Variants in ARHGAP35 observed in about 807,000 individuals in gnomAD.
The protein encoded by ARHGAP35 is rho GTPase-activating protein 35.
A neutral mutation model predicts 111.1 loss-of-function variants in ARHGAP35; 15 were observed. That is an observed-to-expected ratio of 0.13 (90% confidence interval 0.09 to 0.21). The LOEUF (loss-of-function observed/expected upper bound fraction) is 0.21, where lower values mean the gene tolerates loss of function less well. Among genes scored for constraint, ARHGAP35 ranks in the 10% least tolerant of loss-of-function variants. The pLI, the probability that ARHGAP35 is intolerant of heterozygous loss-of-function variation, is 1.00. For synonymous variants in ARHGAP35, 643 were observed against 710.3 expected, an observed-to-expected ratio of 0.91 and a Z score of 1.51; for missense variants, 1,262 against 1,873.0, an observed-to-expected ratio of 0.67 and a Z score of 6.02.
intron 1 of ARHGAP35, among the ~76,000 whole-genome samples, chr19:46,880,276 T>C (rs2055954216): frequency 6.7e-6 from 1 of 150,112 alleles, no homozygotes; most frequent in East Asian, 2.0e-4. Context: ...CTACTAAAAA[T>C]ACAAAATTTG....
intron 3 of ARHGAP35, among the ~76,000 whole-genome samples, chr19:46,985,696 A>C (rs950570784): frequency 6.6e-6 from 1 of 152,154 alleles, no homozygotes; most frequent in Non-Finnish European, 1.5e-5. Context: ...CTGATATGGA[A>C]AGTGCCAGCA....
Position 46,999,656 on chromosome 19 carries a change from A to G in ARHGAP35, c.4142+247A>G, listed in dbSNP as rs1231695391. The G allele has an allele frequency of 2.0e-6, 1 of 500,556 alleles. No individual in the cohort carries two copies. The highest frequency in any genetic ancestry group is 3.6e-6 in the Non-Finnish European group (1 of 280,608). 31.0% of individuals were successfully genotyped at this position (500,556 alleles called of 1,614,324 possible). On this transcript the variant is annotated intron_variant, in intron 6 of 6. Coordinates refer to ENST00000672722, the MANE Select transcript of ARHGAP35 (RefSeq NM_004491.5). The surrounding 1 kb of genome is among the most constrained non-coding windows in gnomAD (Gnocchi z 5.4). ...CCACGTGGCCTCAAACCTGCCTAAC[A>G]CCAGATAGGGCACTTAGCTCCAGCG...
rs925682686 is a variant in ARHGAP35 at position 46,943,475 on chromosome 19, G to A, written c.3826+6067G>A. ...GCTAGTGTTTTCCCCAACTTTGACTGACAGATAGTGGGCTTGCACTTTGCT... is the reference window on the plus strand; with the variant it reads ...GCTAGTGTTTTCCCCAACTTTGACTAACAGATAGTGGGCTTGCACTTTGCT... On this transcript the variant is annotated intron_variant, in intron 3 of 6. Coordinates refer to ENST00000672722, the MANE Select transcript of ARHGAP35 (RefSeq NM_004491.5). Among the ~76,000 whole-genome samples, 33 of 152,192 alleles carry A rather than the reference G, an allele frequency of 2.2e-4. 2 individuals are homozygous for A. The highest frequency in any genetic ancestry group is 1.8e-3 in the Admixed American group (27 of 15,272).
At position 47,002,276 on chromosome 19, in the gene ARHGAP35, G is replaced by T. The variant is rs947632213; in HGVS notation, c.*1588G>T. On this transcript the variant is annotated 3_prime_UTR_variant, in exon 7 of 7. Transcript: ENST00000672722. ...ACACCTTTCCCGGGCGTCTGCAGCTGCCCTGCCCGTGCCCGCCTGCAGTGG... is the reference window on the plus strand; with the variant it reads ...ACACCTTTCCCGGGCGTCTGCAGCTTCCCTGCCCGTGCCCGCCTGCAGTGG... 6.5e-6 allele frequency: 1 copy of T among 152,838 alleles called. No individual in the cohort carries two copies. Among genetic ancestry groups the T allele is most frequent in the African/African-American group, 2.4e-5 (1 of 41,480 alleles). 9.5% of individuals were successfully genotyped at this position (152,838 alleles called of 1,614,324 possible).
chr19:46,957,890 A>G (rs538529555), intron 3 of ARHGAP35, among the ~76,000 whole-genome samples: 1 of 152,324 alleles, frequency 6.6e-6, no homozygotes, highest in African/African-American at 2.4e-5. Context: ...ATGGGGGAAT[A>G]GGTATAGAAG....
At chr19:46,969,468 G>T (rs887374535) in intron 3 of ARHGAP35, among the ~76,000 whole-genome samples, 16 of 152,134 alleles carry the variant, frequency 1.1e-4, no homozygotes, top group Non-Finnish European at 4.4e-5. Flanking sequence ...CTGCCTGGTG[G>T]TTTCTCCTGT....
chr19:46,955,226 G>T (rs2056432780), intron 3 of ARHGAP35, among the ~76,000 whole-genome samples: 1 of 152,206 alleles, frequency 6.6e-6, no homozygotes, highest in Non-Finnish European at 1.5e-5. Flanking sequence ...ACAACTCCTA[G>T]CGGGGGAGGG....
Position 47,000,181 on chromosome 19 carries a change from C to A in ARHGAP35, c.4143-150C>A. 1.2e-6 allele frequency: 1 copy of A among 821,014 alleles called. No individual in the cohort carries two copies. Among genetic ancestry groups the A allele is most frequent in the African/African-American group, 1.7e-5 (1 of 58,240 alleles). The allele number at this position is 821,014 out of a possible 1,614,324, so 50.9% of individuals were successfully genotyped here. On this transcript the variant is annotated intron_variant, in intron 6 of 6. Coordinates refer to ENST00000672722, the MANE Select transcript of ARHGAP35 (RefSeq NM_004491.5). The surrounding 1 kb of genome is among the most constrained non-coding windows in gnomAD (Gnocchi z 6.9). ...GACACTGAGGGCGCAGCCTCCCAGG[C>A]AGGGCAGGGTACAGAGAGCTGCGCA...
At chr19:46,904,770 C>T (rs1322943727) in intron 1 of ARHGAP35, among the ~76,000 whole-genome samples, 1 of 152,200 alleles carries the variant, frequency 6.6e-6, no homozygotes, top group Non-Finnish European at 1.5e-5. Flanking sequence ...GAATTCCCTT[C>T]TCCAGCCCGG....
At position 46,989,664 on chromosome 19, in the gene ARHGAP35, T is replaced by G; in HGVS notation, c.4025T>G (p.Val1342Gly). The part of the protein sequence containing the change: ...LVPYNMQIDL[V>G]EAHKINDREQ... ...CCGTATAACATGCAGATCGACTTGG[T>G]GGAAGCACACAGTGAGTACCGGCAG... The change falls in exon 5 of 7, where the codon GTG (valine) becomes GGG (glycine). Residue 1342 changes from valine (V) to glycine (G), a missense_variant. Transcript: ENST00000672722. This position sits in a 1 kb window ranked among gnomAD's most constrained non-coding sequence, Gnocchi z 5.3. 6.2e-7 allele frequency: 1 copy of G among 1,613,896 alleles called. No individual in the cohort carries two copies. The highest frequency in any genetic ancestry group is 8.5e-7 in the Non-Finnish European group (1 of 1,179,834).
intron 3 of ARHGAP35, among the ~76,000 whole-genome samples, chr19:46,987,134 G>A (rs1305475731): frequency 1.3e-5 from 2 of 151,636 alleles, no homozygotes; most frequent in South Asian, 2.1e-4. Context: ...GATTACAGGC[G>A]TGAGCCACCA....
rs1193257393 is a variant in ARHGAP35, at chr19:46,992,035, C to T, written c.4036+2360C>T. Among the ~76,000 whole-genome samples the T allele has an allele frequency of 6.6e-6, 1 of 152,114 alleles. No individual in the cohort carries two copies. The highest frequency in any genetic ancestry group is 1.5e-5 in the Non-Finnish European group (1 of 68,024). ...TGAAAATGTACTCGCAAAATAGAGA[C>T]GTTTGTGATTATTTGCCAGTTATTT... On this transcript the variant is annotated intron_variant, in intron 5 of 6. Transcript: ENST00000672722. This position sits in a 1 kb window ranked among gnomAD's most constrained non-coding sequence, Gnocchi z 4.4.
chr19:46,970,174 T>C (rs1340916781), intron 3 of ARHGAP35, among the ~76,000 whole-genome samples: 3 of 152,214 alleles, frequency 2.0e-5, no homozygotes, highest in Admixed American at 1.3e-4. Flanking sequence ...CAAGATCTCA[T>C]CTTGGCTTAA....
intron 2 of ARHGAP35, among the ~76,000 whole-genome samples, chr19:46,931,687 G>A (rs1237146598): frequency 6.6e-6 from 1 of 152,088 alleles, no homozygotes; most frequent in Admixed American, 6.5e-5. Context: ...AGTCTAAAAG[G>A]CCAAGGTGAA....
intron 1 of ARHGAP35, among the ~76,000 whole-genome samples, chr19:46,895,233 G>A (rs976358790): frequency 2.7e-5 from 4 of 150,116 alleles, no homozygotes; most frequent in South Asian, 2.1e-4. Context: ...GCGCGATCTC[G>A]GCTCACTGCA....
chr19:46,916,024 T>G (rs1024267743), intron 1 of ARHGAP35, among the ~76,000 whole-genome samples: 1 of 140,278 alleles, frequency 7.1e-6, no homozygotes, highest in Non-Finnish European at 1.5e-5. Flanking sequence ...AAGCTCCACC[T>G]CCCGGGTTCA....
rs113785054 is a variant in ARHGAP35, at chr19:46,977,280, A to G, written c.3827-10709A>G. ...GCTGTGGCGAAATAATGAACCCACT[A>G]CGTTCCTAGTGAAGTTACCGGGAAG... On this transcript the variant is annotated intron_variant, in intron 3 of 6. Coordinates refer to ENST00000672722, the MANE Select transcript of ARHGAP35 (RefSeq NM_004491.5). 1.8e-4 allele frequency among the ~76,000 whole-genome samples: 27 copies of G among 152,340 alleles called. 1 individual carries two copies. The highest frequency in any genetic ancestry group is 6.5e-4 in the African/African-American group (27 of 41,584).
chr19:46,895,165 CTTTTT>C (rs942875389), intron 1 of ARHGAP35, among the ~76,000 whole-genome samples: 1 of 136,632 alleles, frequency 7.3e-6, no homozygotes, highest in African/African-American at 2.7e-5. Context: ...AGGGCAAAAT[CTTTTT>C]TTTTTTTTTT....
chr19:46,910,718 T>C (rs916971609), intron 1 of ARHGAP35, among the ~76,000 whole-genome samples: 3 of 152,112 alleles, frequency 2.0e-5, no homozygotes, highest in African/African-American at 7.2e-5. Context: ...GCCTCCCCGG[T>C]AGCTGGGACA....
Sources: gnomAD v4.1 joint callset for allele counts (sites outside exome capture counted in the v4.1 genomes callset) on GRCh38, gnomAD v4.1.1 for gene constraint, Gnocchi (gnomAD v3.1) non-coding constraint, MANE v1.5 for transcripts, NCBI Gene and HGNC (gene_info 2026-07-23, HGNC 2026-07-21) for gene names.